ATXN10: variants seen among roughly 807,000 people sequenced by gnomAD.
ATXN10 encodes ataxin 10, also known as ataxin-10.
In ATXN10, 28 loss-of-function variants were observed where a neutral mutation model predicts 52.9. That is an observed-to-expected ratio of 0.53 (90% CI 0.39 to 0.73). ATXN10 has a LOEUF of 0.73. Ranked by LOEUF, ATXN10 falls within the 30% of genes least tolerant of loss-of-function variation. The pLI, the probability that ATXN10 is intolerant of heterozygous loss-of-function variation, is 0.00. For synonymous variants in ATXN10, 226 were observed against 221.5 expected (o/e 1.02, Z -0.18); for missense variants, 565 against 577.0 (o/e 0.98, Z 0.21).
At chr22:45,756,326 G>C (rs1002874938) in intron 9 of ATXN10, among the ~76,000 whole-genome samples, 2 of 151,998 alleles carry the variant, frequency 1.3e-5, no homozygotes, top group Non-Finnish European at 2.9e-5. Flanking sequence ...TAAATTTTTT[G>C]TAGAGATGAG....
In ATXN10 at chr22:45,843,488, G is replaced by A. The variant is rs1044786518; in HGVS notation, c.1426-181G>A. On this transcript the variant is annotated intron_variant, in intron 11 of 11. Coordinates refer to ENST00000252934, the MANE Select transcript of ATXN10 (RefSeq NM_013236.4). This position sits in a 1 kb window ranked among gnomAD's most constrained non-coding sequence, Gnocchi z 4.5. ...GGAATTAGATTTTCTTTAAAAGATA[G>A]TTAATGTTCACTATAGTTTAAAAAA... Among the ~76,000 whole-genome samples, 3 of 152,188 alleles carry A rather than the reference G, an allele frequency of 2.0e-5. No homozygotes were observed. Among genetic ancestry groups the A allele is most frequent in the Admixed American group, 2.0e-4 (3 of 15,280 alleles).
intron 9 of ATXN10, among the ~76,000 whole-genome samples, chr22:45,749,656 GGCTCAGGCA>G (rs909419305): frequency 6.6e-6 from 1 of 150,998 alleles, no homozygotes; most frequent in African/African-American, 2.4e-5. Flanking sequence ...TGAGCTCATG[GGCTCAGGCA>G]GTTCTCCTAC....
rs1929220041 is a variant in ATXN10 at position 45,837,867 on chromosome 22, G to T, written c.1238-5124G>T. Among the ~76,000 whole-genome samples the T allele has an allele frequency of 6.6e-6, 1 of 152,156 alleles. No individual in the cohort carries two copies. The highest frequency in any genetic ancestry group is 1.5e-5 in the Non-Finnish European group (1 of 68,028). ...CCAATCATCTAAATATATTAAAACT[G>T]TTTTTAGTTTGCTGTCATAAAAAGC... On this transcript the variant is annotated intron_variant, in intron 10 of 11. Transcript: ENST00000252934. The surrounding 1 kb of genome is among the most constrained non-coding windows in gnomAD (Gnocchi z 5.8).
At chr22:45,808,148 C>A (rs1015767562) in intron 10 of ATXN10, among the ~76,000 whole-genome samples, 2 of 152,006 alleles carry the variant, frequency 1.3e-5, no homozygotes, top group Non-Finnish European at 2.9e-5. Flanking sequence ...TGGTTTAGTG[C>A]GTGGCATTAT....
At position 45,826,979 on chromosome 22, in the gene ATXN10, A is replaced by G. The variant is rs1569080167; in HGVS notation, c.1238-16012A>G. 6.6e-6 allele frequency among the ~76,000 whole-genome samples: 1 copy of G among 152,220 alleles called. No individual in the cohort carries two copies. The highest frequency in any genetic ancestry group is 1.9e-4 in the East Asian group (1 of 5,204). On this transcript the variant is annotated intron_variant, in intron 10 of 11. Coordinates refer to ENST00000252934, the MANE Select transcript of ATXN10 (RefSeq NM_013236.4). This position sits in a 1 kb window ranked among gnomAD's most constrained non-coding sequence, Gnocchi z 5.0. ...CTAGTTTATTTTTGGGGTACACAGCATATAAGGTTTTAATTTTTTTTATGT... is the reference window on the plus strand; with the variant it reads ...CTAGTTTATTTTTGGGGTACACAGCGTATAAGGTTTTAATTTTTTTTATGT...
Position 45,781,751 on chromosome 22 carries a change from C to T in ATXN10, c.1174-25208C>T, listed in dbSNP as rs1284068033. On this transcript the variant is annotated intron_variant, in intron 9 of 11. Transcript: ENST00000252934. The surrounding 1 kb of genome is among the most constrained non-coding windows in gnomAD (Gnocchi z 4.2). Reference sequence around the variant, plus strand: ...ACACTGGAAACAAATGAAAAAATCTCAGCAAAGAAATGGAAGATACAAAGA... The same window carrying T: ...ACACTGGAAACAAATGAAAAAATCTTAGCAAAGAAATGGAAGATACAAAGA... Among the ~76,000 whole-genome samples, 1 of 152,078 alleles carries T rather than the reference C, an allele frequency of 6.6e-6. No individual in the cohort carries two copies. The highest frequency in any genetic ancestry group is 1.5e-5 in the Non-Finnish European group (1 of 68,012).
Position 45,823,297 on chromosome 22 carries a change from A to G in ATXN10, c.1237+16275A>G, listed in dbSNP as rs1928714025. 9.1e-6 allele frequency: 4 copies of G among 438,752 alleles called. No individual in the cohort carries two copies. Among genetic ancestry groups the G allele is most frequent in the South Asian group, 1.7e-5 (1 of 59,288 alleles). 27.2% of individuals were successfully genotyped at this position (438,752 alleles called of 1,614,324 possible). A position where few individuals can be genotyped will look rare whatever the true frequency, so the allele number is the denominator to read the frequency against. ...GTAAAATTTATCAGTCTTTCCTTCT[A>G]TGTTTAGTGATTTTTGTGTCTCTGA... On this transcript the variant is annotated intron_variant, in intron 10 of 11. Coordinates refer to ENST00000252934, the MANE Select transcript of ATXN10 (RefSeq NM_013236.4). This position sits in a 1 kb window ranked among gnomAD's most constrained non-coding sequence, Gnocchi z 4.9.
chr22:45,689,866 G>A lies in ATXN10; in HGVS notation c.271G>A (p.Ala91Thr). The A allele has an allele frequency of 6.2e-7, 1 of 1,614,188 alleles. No individual in the cohort carries two copies. The highest frequency in any genetic ancestry group is 8.5e-7 in the Non-Finnish European group (1 of 1,180,046). The stretch of plus-strand genomic sequence containing the variant: ...AGAATGCTTCAGGTGTCTTCGCAAT[G>A]CTTGCATAGAGTGTTCTGTGAACCA... Reference protein sequence around the residue: ...ITECFRCLRNACIECSVNQNS... With the variant: ...ITECFRCLRNTCIECSVNQNS... The change falls in exon 2 of 12, where the codon GCT becomes ACT. Residue 91 changes from alanine to threonine, a missense_variant. Physicochemically the swap from Ala to Thr is moderately conservative, Grantham distance 58. Transcript: ENST00000252934.
At chr22:45,711,250 G>GA (rs148335217) in intron 5 of ATXN10, among the ~76,000 whole-genome samples, 23 of 147,504 alleles carry the variant, frequency 1.6e-4, no homozygotes, top group South Asian at 8.7e-4. Flanking sequence ...ATAGCAGAGT[G>GA]AAAAAAAAAA....
Position 45,769,142 on chromosome 22 carries a change from T to C in ATXN10, c.1173+28604T>C, listed in dbSNP as rs1190406971. Among the ~76,000 whole-genome samples the C allele has an allele frequency of 6.6e-6, 1 of 152,130 alleles. No homozygotes were observed. The highest frequency in any genetic ancestry group is 1.5e-5 in the Non-Finnish European group (1 of 68,024). On this transcript the variant is annotated intron_variant, in intron 9 of 11. Transcript: ENST00000252934. This position sits in a 1 kb window ranked among gnomAD's most constrained non-coding sequence, Gnocchi z 4.2. ...TTTGTGGTGTGTTTGGAAATTTTCA[T>C]TTAAAAAAATGGTTAAAAATTTTTA...
At chr22:45,782,646 C>G (rs1927188952) in intron 9 of ATXN10, among the ~76,000 whole-genome samples, 1 of 152,188 alleles carries the variant, frequency 6.6e-6, no homozygotes, top group South Asian at 2.1e-4. Context: ...AAGGGAGTCT[C>G]TGGTGCTGGA....
At chr22:45,751,151 G>C (rs1925932985) in intron 9 of ATXN10, among the ~76,000 whole-genome samples, 1 of 152,058 alleles carries the variant, frequency 6.6e-6, no homozygotes, top group Admixed American at 6.5e-5. Context: ...GGCTGGTCTT[G>C]AATTCCTGAC....
rs1199036291 is a variant in ATXN10, at chr22:45,718,548, G to A, written c.728+55G>A. ...ATTTAGCATTCCATATAGGGTATTCGATGCACGTGACTGAAAAGCTGTGTG... is the reference window on the plus strand; with the variant it reads ...ATTTAGCATTCCATATAGGGTATTCAATGCACGTGACTGAAAAGCTGTGTG... On this transcript the variant is annotated intron_variant, in intron 6 of 11. Coordinates refer to ENST00000252934, the MANE Select transcript of ATXN10 (RefSeq NM_013236.4). This position sits in a 1 kb window ranked among gnomAD's most constrained non-coding sequence, Gnocchi z 4.4. 3 of 1,417,660 alleles carry A rather than the reference G, an allele frequency of 2.1e-6. No homozygotes were observed. Among genetic ancestry groups the A allele is most frequent in the East Asian group, 2.3e-5 (1 of 43,968 alleles). 87.8% of individuals were successfully genotyped at this position (1,417,660 alleles called of 1,614,324 possible). A position where few individuals can be genotyped will look rare whatever the true frequency, so the allele number is the denominator to read the frequency against.
In ATXN10 at chr22:45,684,308, C is replaced by G. The variant is rs919011680; in HGVS notation, c.117-5404C>G. On this transcript the variant is annotated intron_variant, in intron 1 of 11. Transcript: ENST00000252934. The surrounding 1 kb of genome is among the most constrained non-coding windows in gnomAD (Gnocchi z 4.1). ...TTTGTTCTGATGAAAGATGAATTTT[C>G]AATGTGATGAGGACAGTGGGAAAGA... Among the ~76,000 whole-genome samples the G allele has an allele frequency of 1.2e-4, 18 of 152,162 alleles. No homozygotes were observed. In the South Asian group the frequency reaches 1.7e-3, roughly 14 times the overall value.
Position 45,824,794 on chromosome 22 carries a change from G to A in ATXN10, c.1237+17772G>A, listed in dbSNP as rs545679690. On this transcript the variant is annotated intron_variant, in intron 10 of 11. Transcript: ENST00000252934. This position sits in a 1 kb window ranked among gnomAD's most constrained non-coding sequence, Gnocchi z 5.2. ...TACCCAGAATCTATAACCTGTCTTT[G>A]TTGACCTCAAGATAAAGACCTTGTA... is the stretch of plus-strand genomic sequence containing the variant. Among the ~76,000 whole-genome samples, 13 of 152,296 alleles carry A rather than the reference G, an allele frequency of 8.5e-5. No individual in the cohort carries two copies. The highest frequency in any genetic ancestry group is 3.1e-4 in the African/African-American group (13 of 41,550).
Position 45,816,247 on chromosome 22 carries a change from C to CT in ATXN10, c.1237+9226dup, listed in dbSNP as rs143108484. Among the ~76,000 whole-genome samples the CT allele has an allele frequency of 0.09, 13,703 of 152,210 alleles. 784 individuals are homozygous for CT. The highest frequency in any genetic ancestry group is 0.16 in the Middle Eastern group (46 of 294). On this transcript the variant is annotated intron_variant, in intron 10 of 11. Transcript: ENST00000252934. The surrounding 1 kb of genome is among the most constrained non-coding windows in gnomAD (Gnocchi z 5.8). ...CCAGCCTGGGTGTTGCAGCAAGACT[C>CT]TATCTAAAAAATAAAAATAAATAAA...
At chr22:45,699,456 T>G (rs1459091896) in intron 3 of ATXN10, among the ~76,000 whole-genome samples, 1 of 151,008 alleles carries the variant, frequency 6.6e-6, no homozygotes, top group African/African-American at 2.4e-5. Context: ...TCTAAAATAT[T>G]CAGTAGAAAT....
intron 7 of ATXN10, 61 bp downstream of exon 7, chr22:45,729,651 C>G (rs1354629370): frequency 6.4e-7 from 1 of 1,551,558 alleles, no homozygotes; most frequent in African/African-American, 1.4e-5. Context: ...TCTAACTCAG[C>G]CAAGTCCTGT....
At position 45,784,678 on chromosome 22, in the gene ATXN10, C is replaced by T. The variant is rs1220466352; in HGVS notation, c.1174-22281C>T. Among the ~76,000 whole-genome samples the T allele has an allele frequency of 6.6e-6, 1 of 152,162 alleles. No homozygotes were observed. Among genetic ancestry groups the T allele is most frequent in the East Asian group, 1.9e-4 (1 of 5,194 alleles). ...GAGGACACACAGCTTAGAGCAGGGC[C>T]CAAATTGACCTCATGGCTATTCTTA... On this transcript the variant is annotated intron_variant, in intron 9 of 11. Transcript: ENST00000252934. This position sits in a 1 kb window ranked among gnomAD's most constrained non-coding sequence, Gnocchi z 4.2.
Sources: allele counts gnomAD v4.1 joint callset (sites outside exome capture counted in the v4.1 genomes callset), GRCh38; gene constraint gnomAD v4.1.1; non-coding constraint Gnocchi (gnomAD v3.1); transcripts MANE v1.5; gene names NCBI Gene and HGNC (gene_info 2026-07-23, HGNC 2026-07-21).